Variants in HIVEP3 observed in about 807,000 individuals in gnomAD.
HIVEP3 encodes transcription factor HIVEP3.
HIVEP3 carries 49 observed loss-of-function variants against 152.8 expected under a neutral mutation model. That is an observed-to-expected ratio of 0.32 (90% CI 0.26 to 0.41). The LOEUF (loss-of-function observed/expected upper bound fraction) is 0.41, where lower values mean the gene tolerates loss of function less well. Ranked by LOEUF, HIVEP3 falls within the 10% of genes least tolerant of loss-of-function variation. The pLI is 1.00. For synonymous variants in HIVEP3, 1,269 were observed against 1,289.0 expected, an observed-to-expected ratio of 0.98 and a Z score of 0.33; for missense variants, 2,790 against 3,103.3, an observed-to-expected ratio of 0.90 and a Z score of 2.40.
intron 5 of HIVEP3, among the ~76,000 whole-genome samples, chr1:41,532,527 C>T (rs1044321515): frequency 3.3e-5 from 5 of 152,072 alleles, no homozygotes; most frequent in Non-Finnish European, 7.4e-5. Flanking sequence ...AGAGGATATT[C>T]CCTGGCCATG....
chr1:41,745,403 G>A (rs1647056492), intron 1 of HIVEP3, among the ~76,000 whole-genome samples: 1 of 152,210 alleles, frequency 6.6e-6, no homozygotes, highest in Non-Finnish European at 1.5e-5. Context: ...AGCCATGCAT[G>A]TATAAAATTC....
Position 41,581,317 on chromosome 1 carries a change from C to T in HIVEP3, c.3481G>A (p.Glu1161Lys). 1 of 1,613,508 alleles carries T rather than the reference C, an allele frequency of 6.2e-7. No individual in the cohort carries two copies. Among genetic ancestry groups the T allele is most frequent in the Non-Finnish European group, 8.5e-7 (1 of 1,179,788 alleles). Reference sequence around the variant, plus strand: ...GACATGGCCTGGGTGGAGAAGAATTCTGGAGACTGTCCTGGCTCATGCTGC... The same window carrying T: ...GACATGGCCTGGGTGGAGAAGAATTTTGGAGACTGTCCTGGCTCATGCTGC... ...LVQHEPGQSP[E>K]FFSTQAMSSL... The change falls in exon 4 of 9, where the codon GAA (glutamate) becomes AAA (lysine). Residue 1161 changes from glutamate (E) to lysine (K), a missense_variant. Coordinates refer to ENST00000372583, the MANE Select transcript of HIVEP3 (RefSeq NM_024503.5). This position sits in a 1 kb window ranked among gnomAD's most constrained non-coding sequence, Gnocchi z 4.5.
At chr1:41,595,637 A>C (rs1247701517) in intron 3 of HIVEP3, among the ~76,000 whole-genome samples, 1 of 152,162 alleles carries the variant, frequency 6.6e-6, no homozygotes, top group Non-Finnish European at 1.5e-5. Flanking sequence ...AAGGATGAAG[A>C]GGGTGTTGCC....
At chr1:41,953,059 C>G (rs1557537131) in intron 1 of HIVEP3, among the ~76,000 whole-genome samples, 2 of 152,132 alleles carry the variant, frequency 1.3e-5, no homozygotes, top group Non-Finnish European at 2.9e-5. Context: ...TGACACTGCT[C>G]CTGGTTATGG....
At chr1:41,954,862 G>C (rs922162566) in intron 1 of HIVEP3, among the ~76,000 whole-genome samples, 1 of 152,242 alleles carries the variant, frequency 6.6e-6, no homozygotes, top group Non-Finnish European at 1.5e-5. Context: ...CAGGATTAAA[G>C]ATAATGCACA....
intron 5 of HIVEP3, among the ~76,000 whole-genome samples, chr1:41,528,569 TCACACACCC>T (rs1643104162): frequency 9.0e-4 from 4 of 4,430 alleles, no homozygotes; most frequent in African/African-American, 4.6e-3. Context: ...CACCCCACCC[TCACACACCC>T]CACCCTCACA....
intron 1 of HIVEP3, among the ~76,000 whole-genome samples, chr1:41,908,263 A>T (rs1051860993): frequency 6.6e-6 from 1 of 152,176 alleles, no homozygotes; most frequent in South Asian, 2.1e-4. Flanking sequence ...CCAAAAATCC[A>T]TCAGCTTTCT....
rs199664426 is a variant in HIVEP3, at chr1:41,546,696, C to G, written c.5208-21786G>C. 2.0e-5 allele frequency among the ~76,000 whole-genome samples: 3 copies of G among 152,342 alleles called. No individual in the cohort carries two copies. The East Asian group carries it at 5.8e-4, about 29-fold the overall frequency. ...CAGGGCTGATGTAACTGGGTGTGGC[C>G]TTGCTACAGATGACCACTCACTCCT... is the stretch of plus-strand genomic sequence containing the variant. On this transcript the variant is annotated intron_variant, in intron 5 of 8. Coordinates refer to ENST00000372583, the MANE Select transcript of HIVEP3 (RefSeq NM_024503.5).
In HIVEP3 at chr1:41,531,268, A is replaced by AGAGATGGAGGACAGGG. The variant is rs1558034653; in HGVS notation, c.5208-6374_5208-6359dup. Among the ~76,000 whole-genome samples the AGAGATGGAGGACAGGG allele has an allele frequency of 1.5e-3, 195 of 128,758 alleles. 2 individuals carry two copies. Among genetic ancestry groups the AGAGATGGAGGACAGGG allele is most frequent in the African/African-American group, 5.4e-3 (181 of 33,516 alleles). The allele number at this position is 128,758 out of a possible 152,430, so 84.5% of individuals were successfully genotyped here. A position where few individuals can be genotyped will look rare whatever the true frequency, so the allele number is the denominator to read the frequency against. Reference sequence around the variant, plus strand: ...GAGGACAGGGGAGATGGAGGACAGGAGAGATGGAGGACAGGGGAGATGGAG... The same window carrying AGAGATGGAGGACAGGG: ...GAGGACAGGGGAGATGGAGGACAGGAGAGATGGAGGACAGGGGAGATGGAGGACAGGGGAGATGGAG... On this transcript the variant is annotated intron_variant, in intron 5 of 8. Coordinates refer to ENST00000372583, the MANE Select transcript of HIVEP3 (RefSeq NM_024503.5).
rs867499433 is a variant in HIVEP3, at chr1:41,510,849, G to C, written c.6823C>G (p.Pro2275Ala). ...LSSELEGGDY[P>A]KERERTGGGP... ...CCGCCGGTCCTCTCCCTCTCCTTGG[G>C]GTAGTCCCCGCCCTCCAGCTCTGAG... The change falls in exon 9 of 9, where the codon CCC becomes GCC. Residue 2275 changes from proline (P) to alanine (A), a missense_variant. Physicochemically the swap from Pro to Ala is conservative, Grantham distance 27 (BLOSUM62 -1). This residue lies in a region of HIVEP3 where 816 missense variants were observed against 806.5 expected (regional missense o/e 1.01). Coordinates refer to ENST00000372583, the MANE Select transcript of HIVEP3 (RefSeq NM_024503.5). 8 of 1,613,118 alleles carry C rather than the reference G, an allele frequency of 5.0e-6. No individual in the cohort carries two copies. Among genetic ancestry groups the C allele is most frequent in the African/African-American group, 1.3e-5 (1 of 74,912 alleles).
intron 1 of HIVEP3, among the ~76,000 whole-genome samples, chr1:41,907,329 C>T (rs1011691853): frequency 3.9e-5 from 6 of 152,094 alleles, no homozygotes; most frequent in Non-Finnish European, 8.8e-5. Context: ...GTAGAGAGGA[C>T]AGAGGAAGCC....
intron 8 of HIVEP3, among the ~76,000 whole-genome samples, chr1:41,512,547 T>G (rs1260889666): frequency 6.6e-6 from 1 of 152,240 alleles, no homozygotes; most frequent in Non-Finnish European, 1.5e-5. Context: ...AAGAACGGAC[T>G]AATACGTGGT....
chr1:41,565,441 G>A (rs978276217), intron 5 of HIVEP3, among the ~76,000 whole-genome samples: 4 of 152,106 alleles, frequency 2.6e-5, no homozygotes, highest in Non-Finnish European at 5.9e-5. Flanking sequence ...CAAAGAGAAA[G>A]AGTACTGCTG....
At chr1:41,966,114 G>A (rs1403501003) in intron 1 of HIVEP3, among the ~76,000 whole-genome samples, 4 of 152,122 alleles carry the variant, frequency 2.6e-5, no homozygotes, top group African/African-American at 7.2e-5. Flanking sequence ...CCAGAATTTC[G>A]TATCTTTCCA....
chr1:41,812,577 G>A (rs917436007), intron 1 of HIVEP3, among the ~76,000 whole-genome samples: 1 of 152,164 alleles, frequency 6.6e-6, no homozygotes, highest in African/African-American at 2.4e-5. Flanking sequence ...TGGAATGACT[G>A]GGCCACATCT....
At position 41,579,948 on chromosome 1, in the gene HIVEP3, A is replaced by G. The variant is rs759670985; in HGVS notation, c.4850T>C (p.Ile1617Thr). 1.2e-6 allele frequency: 2 copies of G among 1,614,218 alleles called. No homozygotes were observed. Residue 1617 changes from isoleucine to threonine, a missense_variant, in exon 4 of 9, where the codon ATC becomes ACC. Physicochemically the swap from Ile to Thr is moderately conservative, Grantham distance 89. Coordinates refer to ENST00000372583, the MANE Select transcript of HIVEP3 (RefSeq NM_024503.5). Reference protein sequence around the residue: ...CYLNYIKPNHIQHADRRSSVY... With the variant: ...CYLNYIKPNHTQHADRRSSVY... ...AGAGGACCTCCTATCTGCATGCTGGATGTGATTTGGCTTAATGTAGTTTAA... is the reference window on the plus strand; with the variant it reads ...AGAGGACCTCCTATCTGCATGCTGGGTGTGATTTGGCTTAATGTAGTTTAA...
chr1:41,620,828 A>G (rs1279307371), intron 3 of HIVEP3, among the ~76,000 whole-genome samples: 1 of 152,024 alleles, frequency 6.6e-6, no homozygotes, highest in African/African-American at 2.4e-5. Flanking sequence ...GCAAACAGAA[A>G]CCCTGATTGG....
intron 1 of HIVEP3, among the ~76,000 whole-genome samples, chr1:41,989,487 T>C (rs888718914): frequency 2.0e-5 from 3 of 152,196 alleles, no homozygotes; most frequent in Non-Finnish European, 4.4e-5. Flanking sequence ...TAATATTTTA[T>C]AGCAAGTGGT....
At chr1:41,780,771 A>G (rs146977466) in intron 1 of HIVEP3, among the ~76,000 whole-genome samples, 2 of 152,238 alleles carry the variant, frequency 1.3e-5, no homozygotes, top group East Asian at 3.9e-4. Context: ...ACAAACATGC[A>G]CCTAGGGGCT....
Sources: gnomAD v4.1 joint callset for allele counts (sites outside exome capture counted in the v4.1 genomes callset) on GRCh38, gnomAD v4.1.1 for gene constraint, gnomAD v4.1.1 regional missense constraint, Gnocchi (gnomAD v3.1) non-coding constraint, MANE v1.5 for transcripts, NCBI Gene and HGNC (gene_info 2026-07-23, HGNC 2026-07-21) for gene names.